Variants in TCEANC2 observed in about 807,000 individuals in gnomAD.
The protein encoded by TCEANC2 is transcription elongation factor A N-terminal and central domain-containing protein 2.
In TCEANC2, 20 loss-of-function variants were observed where a neutral mutation model predicts 22.8. The ratio of observed to expected loss-of-function variants is 0.88; its 90% CI spans 0.62 to 1.28. The LOEUF is 1.28. TCEANC2 is among the 50% of genes most tolerant of loss of function. The pLI, the probability that TCEANC2 is intolerant of heterozygous loss-of-function variation, is 0.00. For missense variants in TCEANC2, 251 were observed against 249.7 expected (o/e 1.01, Z -0.03); for synonymous variants, 84 against 95.5 (o/e 0.88, Z 0.70).
intron 3 of TCEANC2, among the ~76,000 whole-genome samples, chr1:54,086,621 T>C (rs886774480): frequency 1.3e-5 from 2 of 151,996 alleles, no homozygotes; most frequent in African/African-American, 2.4e-5. Flanking sequence ...GAAATGAAGA[T>C]AGAAAGTAGG....
At chr1:54,088,927 A>T (rs1309511229) in intron 4 of TCEANC2, 137 bp downstream of exon 4, 1 of 504,674 alleles carries the variant, frequency 2.0e-6, no homozygotes, top group Non-Finnish European at 3.3e-6. Context: ...CATAATTAAG[A>T]TTTCATAATC....
In TCEANC2 at chr1:54,097,717, C is replaced by T. The variant is rs922416539; in HGVS notation, c.*1244C>T. On this transcript the variant is annotated 3_prime_UTR_variant, in exon 5 of 5. Transcript: ENST00000234827. ...GTTGTTTTCATTTTTTAGATTTATT[C>T]GTTTATTTAGCAACCATTTCCTGAG... 3.3e-5 allele frequency: 5 copies of T among 152,050 alleles called. No homozygotes were observed. The highest frequency in any genetic ancestry group is 1.9e-4 in the East Asian group (1 of 5,198). 9.4% of individuals were successfully genotyped at this position (152,050 alleles called of 1,614,324 possible). A position where few individuals can be genotyped will look rare whatever the true frequency, so the allele number is the denominator to read the frequency against.
At chr1:54,086,289 G>A (rs1475753925) in intron 3 of TCEANC2, among the ~76,000 whole-genome samples, 6 of 152,244 alleles carry the variant, frequency 3.9e-5, no homozygotes, top group African/African-American at 1.2e-4. Flanking sequence ...GCTCAAGTTG[G>A]TGAACAAAAG....
chr1:54,078,130 AT>A (rs969321153), intron 3 of TCEANC2, among the ~76,000 whole-genome samples: 5 of 152,044 alleles, frequency 3.3e-5, no homozygotes, highest in Non-Finnish European at 5.9e-5. Flanking sequence ...TTTTCCATGC[AT>A]TTTTTTGGCA....
At chr1:54,056,317 C>CTT (rs59118907) in intron 2 of TCEANC2, among the ~76,000 whole-genome samples, 149 of 148,808 alleles carry the variant, frequency 1.0e-3, no homozygotes, top group African/African-American at 3.3e-3. Context: ...CTTTTCTTTT[C>CTT]TTTTTTTTTG....
chr1:54,053,979 T>G (rs940466110), intron 1 of TCEANC2: 1 of 186,530 alleles, frequency 5.4e-6, no homozygotes, highest in African/African-American at 2.3e-5. Flanking sequence ...AGGGCAACCC[T>G]TGGGATTATG....
intron 2 of TCEANC2, among the ~76,000 whole-genome samples, chr1:54,057,347 A>ATT (rs1163556776): frequency 0.014 from 1,200 of 85,836 alleles, 2 homozygotes; most frequent in African/African-American, 0.016. Context: ...CACCTGGCTA[A>ATT]TTTTTTTTTT....
At chr1:54,075,559 C>G (rs1468765174) in intron 3 of TCEANC2, among the ~76,000 whole-genome samples, 4 of 152,168 alleles carry the variant, frequency 2.6e-5, no homozygotes, top group Non-Finnish European at 5.9e-5. Context: ...CCATTGTTTT[C>G]AAGTGTGGAT....
intron 4 of TCEANC2, among the ~76,000 whole-genome samples, chr1:54,094,851 A>G (rs761661557): frequency 3.9e-5 from 6 of 152,262 alleles, no homozygotes; most frequent in Non-Finnish European, 8.8e-5. Flanking sequence ...TAAAATATAG[A>G]TCATTGGCTG....
chr1:54,073,366 C>G (rs1658092401), intron 3 of TCEANC2, among the ~76,000 whole-genome samples: 1 of 152,254 alleles, frequency 6.6e-6, no homozygotes, highest in South Asian at 2.1e-4. Flanking sequence ...GAGGCCATCT[C>G]TGACCTGGAA....
chr1:54,056,455 G>A (rs1657754026), intron 2 of TCEANC2, among the ~76,000 whole-genome samples: 2 of 151,804 alleles, frequency 1.3e-5, no homozygotes, highest in African/African-American at 2.4e-5. Flanking sequence ...CCTCCCGAGT[G>A]GTGGGGATTA....
chr1:54,065,673 A>G (rs2100359680), intron 2 of TCEANC2, among the ~76,000 whole-genome samples: 1 of 152,166 alleles, frequency 6.6e-6, no homozygotes, highest in Admixed American at 6.5e-5. Flanking sequence ...TGATCTCACC[A>G]CTGCACTCCA....
intron 3 of TCEANC2, among the ~76,000 whole-genome samples, chr1:54,074,554 A>G (rs1658112909): frequency 6.6e-6 from 1 of 152,236 alleles, no homozygotes. Context: ...GAAACACACC[A>G]GTATTTAAGG....
Position 54,070,412 on chromosome 1 carries a change from C to T in TCEANC2, c.244+1515C>T, listed in dbSNP as rs936934964. ...ATAACTTAAATATCAACATAATAGG[C>T]CGGATTTGAAGGTTTTAAGATTATA... On this transcript the variant is annotated intron_variant, in intron 3 of 4. Transcript: ENST00000234827. Among the ~76,000 whole-genome samples, 3 of 151,922 alleles carry T rather than the reference C, an allele frequency of 2.0e-5. No individual in the cohort carries two copies. The South Asian group carries it at 6.2e-4, about 32-fold the overall frequency.
chr1:54,083,491 C>G (rs1658284013), intron 3 of TCEANC2, among the ~76,000 whole-genome samples: 5 of 152,184 alleles, frequency 3.3e-5, no homozygotes, highest in Admixed American at 2.6e-4. Flanking sequence ...AAGCCAGTGT[C>G]AGATGCCACA....
intron 3 of TCEANC2, among the ~76,000 whole-genome samples, chr1:54,083,419 G>A (rs1658283229): frequency 6.6e-6 from 1 of 152,124 alleles, no homozygotes; most frequent in South Asian, 2.1e-4. Context: ...AGATAGAGAG[G>A]AGAAGAGACT....
Position 54,104,305 on chromosome 1 carries a change from C to A in TCEANC2, c.*7832C>A, listed in dbSNP as rs925263805. 5.4e-6 allele frequency: 1 copy of A among 186,382 alleles called. No individual in the cohort carries two copies. The highest frequency in any genetic ancestry group is 1.2e-5 in the Non-Finnish European group (1 of 86,712). The allele number at this position is 186,382 out of a possible 1,614,324, so 11.5% of individuals were successfully genotyped here. On this transcript the variant is annotated 3_prime_UTR_variant, in exon 5 of 5. Coordinates refer to ENST00000234827, the MANE Select transcript of TCEANC2 (RefSeq NM_153035.3). ...GGTTTTGAGTCACAAAGGAGGAACACTTCCACTAAAAGAAACATCAAGATT... is the reference window on the plus strand; with the variant it reads ...GGTTTTGAGTCACAAAGGAGGAACAATTCCACTAAAAGAAACATCAAGATT...
exon 5 of TCEANC2, chr1:54,111,211 C>T (rs542585298): frequency 2.0e-5 from 3 of 152,358 alleles, no homozygotes; most frequent in South Asian, 4.1e-4. Context: ...TCCACGCAGC[C>T]GAGCAGACAG....
At chr1:54,094,495 T>C (rs868052972) in intron 4 of TCEANC2, among the ~76,000 whole-genome samples, 6 of 152,296 alleles carry the variant, frequency 3.9e-5, no homozygotes, top group Middle Eastern at 6.8e-3. Context: ...TTAAACTTCA[T>C]TTCCTCTTGA....
Sources: gnomAD v4.1 joint callset for allele counts (sites outside exome capture counted in the v4.1 genomes callset) on GRCh38, gnomAD v4.1.1 for gene constraint, MANE v1.5 for transcripts, NCBI Gene and HGNC (gene_info 2026-07-23, HGNC 2026-07-21) for gene names.